ACSS3: variants seen among roughly 807,000 people sequenced by gnomAD.
ACSS3 encodes the protein acyl-CoA synthetase short-chain family member 3, mitochondrial.
Under a neutral mutation model 84.2 loss-of-function variants are expected in ACSS3, and 64 were observed. The ratio of observed to expected loss-of-function variants is 0.76; its 90% CI spans 0.62 to 0.94. The LOEUF is 0.94. Ranked by LOEUF, ACSS3 falls within the 40% of genes least tolerant of loss-of-function variation. The pLI is 0.00. For synonymous variants in ACSS3, 317 were observed against 310.1 expected, an observed-to-expected ratio of 1.02 and a Z score of -0.23; for missense variants, 815 against 867.6, an observed-to-expected ratio of 0.94 and a Z score of 0.76.
intron 7 of ACSS3, among the ~76,000 whole-genome samples, chr12:81,160,497 G>A (rs1265770811): frequency 6.6e-6 from 1 of 152,188 alleles, no homozygotes; most frequent in Non-Finnish European, 1.5e-5. Flanking sequence ...TAACATATGT[G>A]TGGTTATCTT....
chr12:81,161,469 T>A (rs776000638), intron 7 of ACSS3, among the ~76,000 whole-genome samples: 6 of 152,318 alleles, frequency 3.9e-5, no homozygotes, highest in Admixed American at 3.9e-4. Context: ...TTCACTTCTA[T>A]TTTTTTGATG....
intron 2 of ACSS3, among the ~76,000 whole-genome samples, chr12:81,131,868 G>A (rs1292307211): frequency 6.6e-6 from 1 of 152,062 alleles, no homozygotes; most frequent in Non-Finnish European, 1.5e-5. Context: ...GGCCTTTTTT[G>A]CATCTACTGA....
At chr12:81,089,648 T>C (rs993479005) in intron 1 of ACSS3, among the ~76,000 whole-genome samples, 4 of 151,998 alleles carry the variant, frequency 2.6e-5, no homozygotes, top group African/African-American at 9.7e-5. Context: ...ATTCTCTAGC[T>C]TGTTACTGAG....
intron 9 of ACSS3, among the ~76,000 whole-genome samples, chr12:81,202,594 G>T (rs1056115200): frequency 1.5e-4 from 23 of 151,962 alleles, no homozygotes; most frequent in Non-Finnish European, 1.6e-4. Context: ...TTTCTACAGG[G>T]TCCCTTTTTC....
At position 81,140,568 on chromosome 12, in the gene ACSS3, C is replaced by A. The variant is rs1010628183; in HGVS notation, c.780+1303C>A. 9.2e-5 allele frequency among the ~76,000 whole-genome samples: 14 copies of A among 152,136 alleles called. 1 individual carries two copies. Among genetic ancestry groups the A allele is most frequent in the Admixed American group, 9.2e-4 (14 of 15,286 alleles). ...GCAATTCCCATTACCACATTAAATTCCTGTGTAAAGTTTTAGTAGTCTGTG... is the reference window on the plus strand; with the variant it reads ...GCAATTCCCATTACCACATTAAATTACTGTGTAAAGTTTTAGTAGTCTGTG... On this transcript the variant is annotated intron_variant, in intron 4 of 15. Coordinates refer to ENST00000548058, the MANE Select transcript of ACSS3 (RefSeq NM_024560.4).
intron 7 of ACSS3, among the ~76,000 whole-genome samples, chr12:81,165,885 T>A (rs973500347): frequency 1.3e-5 from 2 of 152,318 alleles, no homozygotes; most frequent in Admixed American, 1.3e-4. Flanking sequence ...CAATAACAAT[T>A]AATAATAATT....
intron 13 of ACSS3, among the ~76,000 whole-genome samples, chr12:81,235,859 C>T (rs1344471779): frequency 2.0e-5 from 3 of 151,298 alleles, no homozygotes; most frequent in Non-Finnish European, 4.4e-5. Context: ...CTAGCTCTAG[C>T]GGTATTTTTG....
At chr12:81,152,517 G>T (rs11114778) in intron 7 of ACSS3, among the ~76,000 whole-genome samples, 14,684 of 152,066 alleles carry the variant, frequency 0.097, 1,015 homozygotes, top group African/African-American at 0.19. Flanking sequence ...TTCTAATAAA[G>T]CTCTGTGTAT....
intron 8 of ACSS3, among the ~76,000 whole-genome samples, chr12:81,184,950 C>T (rs1185529786): frequency 6.6e-6 from 1 of 151,682 alleles, no homozygotes; most frequent in African/African-American, 2.4e-5. Context: ...TGGTTAATTT[C>T]TCTGAGGAAC....
At chr12:81,151,047 A>G (rs1886587475) in intron 5 of ACSS3, among the ~76,000 whole-genome samples, 1 of 152,198 alleles carries the variant, frequency 6.6e-6, no homozygotes, top group Non-Finnish European at 1.5e-5. Flanking sequence ...GTTTTTTAAA[A>G]CAATAAATGA....
At chr12:81,216,822 G>C in intron 9 of ACSS3, 79 bp from the exon 10 acceptor site, 1 of 1,143,736 alleles carries the variant, frequency 8.7e-7, no homozygotes, top group Non-Finnish European at 1.3e-6. Context: ...ACTAGGGTGG[G>C]GTAGAGTGTG....
chr12:81,202,089 C>G (rs567728991), intron 9 of ACSS3, among the ~76,000 whole-genome samples: 16 of 152,042 alleles, frequency 1.1e-4, no homozygotes, highest in South Asian at 1.0e-3. Context: ...ACCAGCCTGA[C>G]CAACATGGTG....
chr12:81,191,519 T>A (rs1361416073), intron 8 of ACSS3, among the ~76,000 whole-genome samples: 2 of 152,182 alleles, frequency 1.3e-5, no homozygotes, highest in Admixed American at 1.3e-4. Context: ...TTTATTTAAA[T>A]GTTTTGAAGT....
intron 11 of ACSS3, 40 bp from the exon 12 acceptor site, chr12:81,231,017 C>G (rs1369865009): frequency 6.9e-7 from 1 of 1,449,300 alleles, no homozygotes; most frequent in South Asian, 1.2e-5. Context: ...TCTTTATTAC[C>G]ACTTTCATCA....
At chr12:81,199,636 T>A in intron 9 of ACSS3, 192 bp downstream of exon 9, 1 of 1,496,478 alleles carries the variant, frequency 6.7e-7, no homozygotes, top group Admixed American at 2.0e-5. Flanking sequence ...GTGACATTGA[T>A]GCCACCATTC....
At chr12:81,083,842 C>T (rs1462704255) in intron 1 of ACSS3, among the ~76,000 whole-genome samples, 1 of 152,078 alleles carries the variant, frequency 6.6e-6, no homozygotes. Flanking sequence ...TGGTGGCACA[C>T]ACCGGTAATC....
intron 13 of ACSS3, among the ~76,000 whole-genome samples, chr12:81,248,807 A>G (rs1565744003): frequency 6.6e-6 from 1 of 152,014 alleles, no homozygotes; most frequent in African/African-American, 2.4e-5. Context: ...GTAACAAAAT[A>G]TCACATGTAC....
At chr12:81,212,363 A>G (rs898348783) in intron 9 of ACSS3, among the ~76,000 whole-genome samples, 11 of 152,168 alleles carry the variant, frequency 7.2e-5, no homozygotes, top group African/African-American at 2.4e-4. Context: ...CAGTAATGCT[A>G]TTTGCAAGTA....
intron 11 of ACSS3, among the ~76,000 whole-genome samples, chr12:81,223,210 T>C (rs572775888): frequency 6.6e-6 from 1 of 152,140 alleles, no homozygotes; most frequent in African/African-American, 2.4e-5. Context: ...CCAGATCCAT[T>C]GTTGCTATTG....
Sources: allele counts gnomAD v4.1 joint callset (sites outside exome capture counted in the v4.1 genomes callset), GRCh38; gene constraint gnomAD v4.1.1; transcripts MANE v1.5; gene names NCBI Gene and HGNC (gene_info 2026-07-23, HGNC 2026-07-21).